The following TTC28 variants were observed in gnomAD, a reference collection of about 807,000 sequenced individuals.
TTC28 encodes the protein tetratricopeptide repeat domain 28.
A neutral mutation model predicts 198.0 loss-of-function variants in TTC28; 61 were observed. The ratio of observed to expected loss-of-function variants is 0.31; its 90% CI spans 0.25 to 0.38. TTC28 has a LOEUF of 0.38. TTC28 is among the 10% of genes least tolerant of loss of function. The probability of loss-of-function intolerance (pLI) is 1.00; values close to 1 mark genes in which losing one functional copy is unlikely to be tolerated. For missense variants in TTC28, 2,678 were observed against 3,164.0 expected, an observed-to-expected ratio of 0.85 and a Z score of 3.69; for synonymous variants, 1,171 against 1,297.8, an observed-to-expected ratio of 0.90 and a Z score of 2.10.
intron 8 of TTC28, among the ~76,000 whole-genome samples, chr22:28,102,798 T>C (rs1224497834): frequency 6.6e-6 from 1 of 152,228 alleles, no homozygotes; most frequent in Admixed American, 6.5e-5. Flanking sequence ...TCAGAAAACT[T>C]AGAAACATTT....
Position 28,106,618 on chromosome 22 carries a change from G to A in TTC28, c.2783+444C>T, listed in dbSNP as rs375426833. On this transcript the variant is annotated intron_variant, in intron 7 of 22. Coordinates refer to ENST00000397906, the MANE Select transcript of TTC28 (RefSeq NM_001145418.2). Reference sequence around the variant, plus strand: ...CCTATTATCAGGTGGCTTTTCTGAGGAGCAACACAATGGGGCCTAAGTAAT... The same window carrying A: ...CCTATTATCAGGTGGCTTTTCTGAGAAGCAACACAATGGGGCCTAAGTAAT... Among the ~76,000 whole-genome samples, 15 of 152,244 alleles carry A rather than the reference G, an allele frequency of 9.9e-5. No individual in the cohort carries two copies. The East Asian group carries it at 2.1e-3, about 22-fold the overall frequency.
rs572599531 is a variant in TTC28 at position 28,400,983 on chromosome 22, T to C, written c.382-94340A>G. 2.0e-5 allele frequency among the ~76,000 whole-genome samples: 3 copies of C among 152,350 alleles called. No individual in the cohort carries two copies. The East Asian group carries it at 5.8e-4, about 29-fold the overall frequency. ...ACTAAAAAGGCACAAATTCTATTCT[T>C]ATTTTAAGTTGATGTTTTAGCTTCT... On this transcript the variant is annotated intron_variant, in intron 2 of 22. Transcript: ENST00000397906.
intron 5 of TTC28, among the ~76,000 whole-genome samples, chr22:28,260,249 A>C (rs1466891551): frequency 4.6e-5 from 7 of 152,178 alleles, no homozygotes; most frequent in Non-Finnish European, 2.9e-5. Flanking sequence ...TAGCAGTTGT[A>C]ATTTTGTACT....
At chr22:28,460,614 GA>G (rs2047935197) in intron 2 of TTC28, among the ~76,000 whole-genome samples, 8 of 5,472 alleles carry the variant, frequency 1.5e-3, no homozygotes, top group South Asian at 5.3e-3. Flanking sequence ...ATGGTAGATA[GA>G]TAGATAGATA....
intron 6 of TTC28, among the ~76,000 whole-genome samples, chr22:28,145,745 T>C (rs1216537261): frequency 6.6e-6 from 1 of 152,184 alleles, no homozygotes; most frequent in Non-Finnish European, 1.5e-5. Flanking sequence ...CTTTTAGCAC[T>C]TGGTTTTGTG....
chr22:27,996,365 G>C, intron 16 of TTC28, 106 bp from the exon 17 acceptor site: 1 of 1,446,520 alleles, frequency 6.9e-7, no homozygotes, highest in Non-Finnish European at 9.2e-7. Context: ...AGCAGAAAGA[G>C]CAGGGCCTGG....
intron 6 of TTC28, 87 bp from the exon 7 acceptor site, chr22:28,108,490 G>A (rs925670016): frequency 1.7e-6 from 2 of 1,188,284 alleles, no homozygotes; most frequent in African/African-American, 1.6e-5. Flanking sequence ...TCAATTTATA[G>A]TAAAATGCAA....
intron 5 of TTC28, among the ~76,000 whole-genome samples, chr22:28,282,683 C>T (rs2044607342): frequency 6.6e-6 from 1 of 152,168 alleles, no homozygotes; most frequent in African/African-American, 2.4e-5. Flanking sequence ...TGATAGAAGG[C>T]CTCTAGCGGC....
intron 5 of TTC28, among the ~76,000 whole-genome samples, chr22:28,191,594 T>C (rs1276367076): frequency 6.6e-6 from 1 of 152,236 alleles, no homozygotes; most frequent in African/African-American, 2.4e-5. Flanking sequence ...CCCACCCTAA[T>C]ACTGCGCTTT....
chr22:28,413,471 C>T (rs1413812852), intron 2 of TTC28, among the ~76,000 whole-genome samples: 1 of 151,930 alleles, frequency 6.6e-6, no homozygotes, highest in Non-Finnish European at 1.5e-5. Context: ...AAAACAATGT[C>T]AACTGTATTT....
chr22:28,434,161 T>C (rs1021169594), intron 2 of TTC28, among the ~76,000 whole-genome samples: 1 of 152,100 alleles, frequency 6.6e-6, no homozygotes, highest in Admixed American at 6.6e-5. Flanking sequence ...AAAGAAGACA[T>C]AAAATTATTT....
chr22:28,018,449 C>T (rs538967433), intron 13 of TTC28, among the ~76,000 whole-genome samples: 1 of 152,334 alleles, frequency 6.6e-6, no homozygotes, highest in African/African-American at 2.4e-5. Context: ...GTAAATCCAT[C>T]AAGACTTTCT....
intron 2 of TTC28, among the ~76,000 whole-genome samples, chr22:28,343,404 C>A (rs891972457): frequency 6.6e-6 from 1 of 151,940 alleles, no homozygotes; most frequent in African/African-American, 2.4e-5. Flanking sequence ...GTGGCAGGTG[C>A]CTGTAATCCC....
intron 2 of TTC28, among the ~76,000 whole-genome samples, chr22:28,433,339 CAGA>C (rs1308700372): frequency 6.6e-6 from 1 of 151,984 alleles, no homozygotes; most frequent in African/African-American, 2.4e-5. Context: ...CCTAAAGAAG[CAGA>C]AGGAGAGAAG....
chr22:28,224,613 G>T (rs749016396), intron 5 of TTC28, among the ~76,000 whole-genome samples: 1 of 152,160 alleles, frequency 6.6e-6, no homozygotes, highest in African/African-American at 2.4e-5. Context: ...GTCCAGAATG[G>T]ATATGTATTT....
At chr22:28,252,083 C>CTA (rs1382825269) in intron 5 of TTC28, among the ~76,000 whole-genome samples, 5 of 152,152 alleles carry the variant, frequency 3.3e-5, no homozygotes, top group African/African-American at 9.7e-5. Flanking sequence ...TGGTAACATG[C>CTA]TATAACTGCC....
chr22:28,378,378 G>A (rs2046445156), intron 2 of TTC28, among the ~76,000 whole-genome samples: 1 of 151,490 alleles, frequency 6.6e-6, no homozygotes. Context: ...AAAACCAGAG[G>A]AGCTGGGCAC....
chr22:28,653,461 C>A (rs112035384), intron 1 of TTC28, among the ~76,000 whole-genome samples: 62 of 151,898 alleles, frequency 4.1e-4, no homozygotes, highest in Admixed American at 4.1e-3. Flanking sequence ...TGAGATGGTG[C>A]CACTGCACTC....
intron 2 of TTC28, among the ~76,000 whole-genome samples, chr22:28,547,749 T>C (rs1044905687): frequency 4.0e-5 from 6 of 151,718 alleles, no homozygotes; most frequent in Non-Finnish European, 8.8e-5. Flanking sequence ...ATTTTAATGC[T>C]GAGGCATGTT....
Sources: gnomAD v4.1 joint callset for allele counts (sites outside exome capture counted in the v4.1 genomes callset) on GRCh38, gnomAD v4.1.1 for gene constraint, MANE v1.5 for transcripts, NCBI Gene and HGNC (gene_info 2026-07-23, HGNC 2026-07-21) for gene names.